MDGA2: variants seen among roughly 807,000 people sequenced by gnomAD.
MDGA2 encodes the protein MAM domain-containing glycosylphosphatidylinositol anchor protein 2.
A neutral mutation model predicts 117.8 loss-of-function variants in MDGA2; 40 were observed. That is an observed-to-expected ratio of 0.34 (90% CI 0.26 to 0.44). The LOEUF is 0.44. Among genes scored for constraint, MDGA2 ranks in the 20% least tolerant of loss-of-function variants. The pLI is 1.00. For missense variants in MDGA2, 1,123 were observed against 1,250.6 expected, an observed-to-expected ratio of 0.90 and a Z score of 1.54; for synonymous variants, 452 against 439.0, an observed-to-expected ratio of 1.03 and a Z score of -0.37.
rs547110199 is a variant in MDGA2, at chr14:46,937,214, AC to A, written c.2090-17055del. On this transcript the variant is annotated intron_variant, in intron 9 of 16. Coordinates refer to ENST00000399232, the MANE Select transcript of MDGA2 (RefSeq NM_001113498.3). ...ACAACAGGCACACCGCTCCCCCGAC[AC>A]CCCCCCCAACACAAATACCTGAAAC... Among the ~76,000 whole-genome samples, 12 of 141,924 alleles carry A rather than the reference AC, an allele frequency of 8.5e-5. No individual in the cohort carries two copies. The East Asian group carries it at 1.5e-3, about 18-fold the overall frequency. 93.1% of individuals were successfully genotyped at this position (141,924 alleles called of 152,430 possible). A position where few individuals can be genotyped will look rare whatever the true frequency, so the allele number is the denominator to read the frequency against.
chr14:47,437,414 T>C (rs768554332), intron 1 of MDGA2, among the ~76,000 whole-genome samples: 2 of 152,156 alleles, frequency 1.3e-5, no homozygotes, highest in Non-Finnish European at 2.9e-5. Context: ...TTGTATTCCA[T>C]TTCATATCTT....
At chr14:47,026,152 A>T (rs1361197906) in intron 8 of MDGA2, among the ~76,000 whole-genome samples, 1 of 152,216 alleles carries the variant, frequency 6.6e-6, no homozygotes, top group Non-Finnish European at 1.5e-5. Flanking sequence ...CAAACAATTG[A>T]TAATAAAGAT....
intron 3 of MDGA2, among the ~76,000 whole-genome samples, chr14:47,176,690 T>G (rs1884465687): frequency 6.6e-6 from 1 of 152,116 alleles, no homozygotes. Context: ...CCTAAAACCA[T>G]AAAAACCCTA....
intron 2 of MDGA2, among the ~76,000 whole-genome samples, chr14:47,273,289 A>G (rs1414941146): frequency 1.3e-5 from 2 of 152,172 alleles, no homozygotes; most frequent in African/African-American, 4.8e-5. Context: ...GATATTATTA[A>G]TGAAGCCAGG....
intron 3 of MDGA2, among the ~76,000 whole-genome samples, chr14:47,171,219 T>A (rs1329925461): frequency 1.3e-5 from 2 of 152,108 alleles, no homozygotes; most frequent in Non-Finnish European, 2.9e-5. Flanking sequence ...GGGAAAATAC[T>A]GAAGGTTCTA....
intron 1 of MDGA2, among the ~76,000 whole-genome samples, chr14:47,560,137 G>A (rs529847201): frequency 2.6e-5 from 4 of 151,056 alleles, no homozygotes; most frequent in Non-Finnish European, 4.4e-5. Flanking sequence ...GTGCTATCTC[G>A]GGTCACTGCA....
intron 1 of MDGA2, among the ~76,000 whole-genome samples, chr14:47,569,966 A>G (rs980987931): frequency 6.6e-6 from 1 of 152,218 alleles, no homozygotes; most frequent in African/African-American, 2.4e-5. Flanking sequence ...ATTGAATAAA[A>G]TGTTTAGGCA....
In MDGA2 at chr14:46,840,507, G is replaced by C. The variant is rs1271184096; in HGVS notation, c.*1424C>G. On this transcript the variant is annotated 3_prime_UTR_variant, in exon 17 of 17. Transcript: ENST00000399232. ...CAGGTAGCTCAAAATTATTTTTACA[G>C]GTTTTTGTTTTTTTGTAAAAGTGTT... 1 of 152,374 alleles carries C rather than the reference G, an allele frequency of 6.6e-6. No individual in the cohort carries two copies. The highest frequency in any genetic ancestry group is 1.5e-5 in the Non-Finnish European group (1 of 67,966). The allele number at this position is 152,374 out of a possible 1,614,324, so 9.4% of individuals were successfully genotyped here. A position where few individuals can be genotyped will look rare whatever the true frequency, so the allele number is the denominator to read the frequency against.
At chr14:47,240,110 T>C (rs1010995593) in intron 2 of MDGA2, among the ~76,000 whole-genome samples, 3 of 151,802 alleles carry the variant, frequency 2.0e-5, no homozygotes, top group Non-Finnish European at 4.4e-5. Flanking sequence ...AGTGGCACGA[T>C]CTCGGCTCCC....
intron 1 of MDGA2, among the ~76,000 whole-genome samples, chr14:47,449,819 C>T (rs1252406618): frequency 1.3e-5 from 2 of 151,810 alleles, no homozygotes; most frequent in East Asian, 3.9e-4. Context: ...CTTTCTTATG[C>T]AAAAACAAAA....
intron 1 of MDGA2, among the ~76,000 whole-genome samples, chr14:47,406,863 G>T (rs1892270858): frequency 6.6e-6 from 1 of 151,696 alleles, no homozygotes. Context: ...CACTCTCTAG[G>T]GACTGCCACT....
At chr14:47,281,844 G>T (rs1888501449) in intron 2 of MDGA2, among the ~76,000 whole-genome samples, 1 of 151,758 alleles carries the variant, frequency 6.6e-6, no homozygotes, top group South Asian at 2.1e-4. Context: ...ATCACCTGAG[G>T]TCGGAAGCTC....
At chr14:47,419,163 A>G (rs534440537) in intron 1 of MDGA2, among the ~76,000 whole-genome samples, 31 of 152,286 alleles carry the variant, frequency 2.0e-4, no homozygotes, top group African/African-American at 7.0e-4. Context: ...GTATAAATGA[A>G]TATTTATAAA....
intron 1 of MDGA2, among the ~76,000 whole-genome samples, chr14:47,477,851 T>C (rs892301321): frequency 6.6e-6 from 1 of 152,142 alleles, no homozygotes; most frequent in South Asian, 2.1e-4. Context: ...AAGAACCCTG[T>C]CAGATCATCA....
intron 1 of MDGA2, among the ~76,000 whole-genome samples, chr14:47,637,817 T>A (rs763325738): frequency 6.6e-6 from 1 of 152,254 alleles, no homozygotes; most frequent in Non-Finnish European, 1.5e-5. Flanking sequence ...CATTTCATTG[T>A]TCTTCTTGGA....
chr14:47,059,260 C>T (rs1889793739), intron 7 of MDGA2: 11 of 1,131,598 alleles, frequency 9.7e-6, no homozygotes, highest in Admixed American at 4.7e-5. Context: ...GACAAAGTCT[C>T]AGACTTTGTA....
intron 1 of MDGA2, among the ~76,000 whole-genome samples, chr14:47,461,183 T>C (rs1893475485): frequency 6.6e-6 from 1 of 152,036 alleles, no homozygotes; most frequent in African/African-American, 2.4e-5. Flanking sequence ...CAAATCAGAA[T>C]AACCCTAGAG....
At chr14:47,119,176 C>G in intron 5 of MDGA2, among the ~76,000 whole-genome samples, 1 of 64,872 alleles carries the variant, frequency 1.5e-5, no homozygotes, top group African/African-American at 4.2e-5. Context: ...TCAGCCCCGC[C>G]CCCCCCCCCC....
intron 9 of MDGA2, 51 bp from the exon 10 acceptor site, chr14:46,920,211 A>G (rs1367432348): frequency 1.3e-6 from 2 of 1,541,914 alleles, no homozygotes; most frequent in East Asian, 2.3e-5. Flanking sequence ...TTGTAGTGTA[A>G]GCATACTTAT....
Sources: allele counts gnomAD v4.1 joint callset (sites outside exome capture counted in the v4.1 genomes callset), GRCh38; gene constraint gnomAD v4.1.1; transcripts MANE v1.5; gene names NCBI Gene and HGNC (gene_info 2026-07-23, HGNC 2026-07-21).